Variants in RYR2 observed in about 807,000 individuals in gnomAD.
RYR2 encodes cardiac muscle ryanodine receptor-calcium release channel.
In RYR2, 227 loss-of-function variants were observed where a neutral mutation model predicts 601.1. The ratio of observed to expected loss-of-function variants is 0.38; its 90% CI spans 0.34 to 0.42. The LOEUF is 0.42. RYR2 is among the 10% of genes least tolerant of loss of function. The probability of loss-of-function intolerance (pLI) is 1.00; values close to 1 mark genes in which losing one functional copy is unlikely to be tolerated. For synonymous variants in RYR2, 2,223 were observed against 2,175.1 expected (o/e 1.02, Z -0.61); for missense variants, 4,646 against 6,156.5 (o/e 0.75, Z 8.21).
rs71162418 is a variant in RYR2 at position 237,792,398 on chromosome 1, CGTGTGTGTGTGTGTGT to C, written c.13782+86_13782+101del. On this transcript the variant is annotated intron_variant, in intron 94 of 104. Transcript: ENST00000366574. Reference sequence around the variant, plus strand: ...GTGTGTGTGCGTGTGTGTGTGTGTGCGTGTGTGTGTGTGTGTGTGTGTGTGTTTTGCAGGCTGGACT... The same window carrying C: ...GTGTGTGTGCGTGTGTGTGTGTGTGCGTGTGTGTGTTTTGCAGGCTGGACT... 13 of 489,878 alleles carry C rather than the reference CGTGTGTGTGTGTGTGT, an allele frequency of 2.7e-5. No individual in the cohort carries two copies. In the African/African-American group the frequency reaches 2.7e-4, roughly 10 times the overall value. 30.3% of individuals were successfully genotyped at this position (489,878 alleles called of 1,614,324 possible). A position where few individuals can be genotyped will look rare whatever the true frequency, so the allele number is the denominator to read the frequency against.
At chr1:237,231,533 G>T (rs1159081171) in intron 1 of RYR2, among the ~76,000 whole-genome samples, 1 of 151,982 alleles carries the variant, frequency 6.6e-6, no homozygotes, top group East Asian at 1.9e-4. Context: ...GGGTAGACAT[G>T]GCTTATTAAA....
chr1:237,613,215 G>A (rs759952627), intron 36 of RYR2, among the ~76,000 whole-genome samples: 5 of 152,162 alleles, frequency 3.3e-5, no homozygotes, highest in Non-Finnish European at 7.3e-5. Context: ...ATGTCAGTGT[G>A]TACTTTGTTT....
intron 80 of RYR2, among the ~76,000 whole-genome samples, chr1:237,747,389 C>A (rs1291276619): frequency 1.3e-5 from 2 of 152,166 alleles, no homozygotes; most frequent in African/African-American, 4.8e-5. Context: ...CTTAGGAAAC[C>A]AGCATATTCT....
At chr1:237,112,745 T>C (rs942180241) in intron 1 of RYR2, among the ~76,000 whole-genome samples, 1 of 152,180 alleles carries the variant, frequency 6.6e-6, no homozygotes, top group African/African-American at 2.4e-5. Context: ...TATCTCCCCA[T>C]GAGGATGTAA....
At chr1:237,182,695 C>T (rs1181560255) in intron 1 of RYR2, among the ~76,000 whole-genome samples, 1 of 152,098 alleles carries the variant, frequency 6.6e-6, no homozygotes, top group Non-Finnish European at 1.5e-5. Context: ...GTATACTAGT[C>T]CATTGTGTGG....
Position 237,057,443 on chromosome 1 carries a change from C to T in RYR2, c.48+14874C>T, listed in dbSNP as rs181231531. ...CTTGTGATCCACCCACCTCAGCCTC[C>T]CAAAGTGCTGGGATTATAGGCGTGA... On this transcript the variant is annotated intron_variant, in intron 1 of 104. Coordinates refer to ENST00000366574, the MANE Select transcript of RYR2 (RefSeq NM_001035.3). Among the ~76,000 whole-genome samples, 1,014 of 152,228 alleles carry T rather than the reference C, an allele frequency of 6.7e-3. 14 individuals carry two copies. Among genetic ancestry groups the T allele is most frequent in the African/African-American group, 0.022 (932 of 41,544 alleles).
At chr1:237,588,972 A>G (rs1361053068) in intron 29 of RYR2, among the ~76,000 whole-genome samples, 1 of 152,238 alleles carries the variant, frequency 6.6e-6, no homozygotes, top group African/African-American at 2.4e-5. Flanking sequence ...CAAAAAAACA[A>G]TTAACAAAGT....
At chr1:237,756,244 G>T in intron 80 of RYR2, 44 bp from the exon 81 acceptor site, 1 of 1,300,044 alleles carries the variant, frequency 7.7e-7, no homozygotes, top group Non-Finnish European at 1.1e-6. Context: ...AATCTGTTGT[G>T]CTTACTGATA....
intron 80 of RYR2, 111 bp from the exon 81 acceptor site, chr1:237,756,177 C>T: frequency 1.5e-6 from 1 of 668,896 alleles, no homozygotes; most frequent in Non-Finnish European, 2.7e-6. Context: ...TGAAATGGTC[C>T]ATAATGTTGT....
chr1:237,327,127 A>G (rs1048678862), intron 2 of RYR2, among the ~76,000 whole-genome samples: 1 of 152,190 alleles, frequency 6.6e-6, no homozygotes, highest in Non-Finnish European at 1.5e-5. Flanking sequence ...TCTGATGTGT[A>G]TTAAGTTTTC....
chr1:237,173,779 G>A lies in RYR2; in HGVS notation c.49-96718G>A, dbSNP rs150778838. Reference sequence around the variant, plus strand: ...TGATAAAAGATTAAGAGTGTTGGCCGGGCGCGGTGGCTCACGCCTGTAATC... The same window carrying A: ...TGATAAAAGATTAAGAGTGTTGGCCAGGCGCGGTGGCTCACGCCTGTAATC... On this transcript the variant is annotated intron_variant, in intron 1 of 104. Coordinates refer to ENST00000366574, the MANE Select transcript of RYR2 (RefSeq NM_001035.3). 5.9e-3 allele frequency among the ~76,000 whole-genome samples: 899 copies of A among 152,280 alleles called. 9 individuals carry two copies. The highest frequency in any genetic ancestry group is 0.033 in the South Asian group (160 of 4,824).
At chr1:237,462,287 A>G (rs955182108) in intron 16 of RYR2, among the ~76,000 whole-genome samples, 4 of 152,164 alleles carry the variant, frequency 2.6e-5, no homozygotes, top group African/African-American at 7.2e-5. Context: ...AGAGAAAACC[A>G]AGAAGGTGGG....
intron 29 of RYR2, among the ~76,000 whole-genome samples, chr1:237,588,700 G>A (rs1336088519): frequency 6.6e-6 from 1 of 152,114 alleles, no homozygotes; most frequent in Non-Finnish European, 1.5e-5. Context: ...GGACGCAGTG[G>A]CGTGCACCTG....
intron 25 of RYR2, among the ~76,000 whole-genome samples, chr1:237,535,569 G>A (rs988331049): frequency 6.6e-6 from 1 of 151,326 alleles, no homozygotes; most frequent in African/African-American, 2.4e-5. Flanking sequence ...CTCACATAAA[G>A]AGGAAGAAAC....
intron 10 of RYR2, among the ~76,000 whole-genome samples, chr1:237,397,513 A>C (rs925062741): frequency 3.3e-5 from 5 of 152,190 alleles, no homozygotes; most frequent in African/African-American, 1.2e-4. Context: ...GGGATATCTT[A>C]AAGTGGCAGC....
chr1:237,775,830 A>G (rs1375851712), intron 87 of RYR2, among the ~76,000 whole-genome samples: 1 of 152,194 alleles, frequency 6.6e-6, no homozygotes, highest in African/African-American at 2.4e-5. Flanking sequence ...TGAGAAAAAG[A>G]AAGCAAGGCA....
chr1:237,704,696 T>G (rs1688228228), intron 66 of RYR2, among the ~76,000 whole-genome samples: 1 of 152,082 alleles, frequency 6.6e-6, no homozygotes, highest in South Asian at 2.1e-4. Context: ...TAAGTCTTTT[T>G]TGTGCAATTA....
chr1:237,626,580 CTTTTTTTTTTTTTTTTTT>C lies in RYR2; in HGVS notation c.6166+790_6166+807del, dbSNP rs60885998. On this transcript the variant is annotated intron_variant, in intron 40 of 104. Transcript: ENST00000366574. ...TTCTTTTCTTTTTCTTTTTCTTTTT[CTTTTTTTTTTTTTTTTTT>C]TTTTTTTTTTTTTGAGACAGTCTCG... Among the ~76,000 whole-genome samples the C allele has an allele frequency of 6.2e-3, 248 of 40,088 alleles. 1 individual carries two copies. Among genetic ancestry groups the C allele is most frequent in the Admixed American group, 0.037 (99 of 2,662 alleles). 26.3% of individuals were successfully genotyped at this position (40,088 alleles called of 152,430 possible).
chr1:237,754,034 C>G lies in RYR2; in HGVS notation c.11146-2254C>G, dbSNP rs551943675. On this transcript the variant is annotated intron_variant, in intron 80 of 104. Coordinates refer to ENST00000366574, the MANE Select transcript of RYR2 (RefSeq NM_001035.3). ...TGGAAAGAAATAATATTAAAGAATC[C>G]TGAAGGGAGAGCTTCCAATTTCAGT... 2.0e-3 allele frequency among the ~76,000 whole-genome samples: 308 copies of G among 151,360 alleles called. 3 individuals carry two copies. The highest frequency in any genetic ancestry group is 3.4e-3 in the Non-Finnish European group (230 of 67,870).
Sources: gnomAD v4.1 joint callset for allele counts (sites outside exome capture counted in the v4.1 genomes callset) on GRCh38, gnomAD v4.1.1 for gene constraint, MANE v1.5 for transcripts, NCBI Gene and HGNC (gene_info 2026-07-23, HGNC 2026-07-21) for gene names.